The following COL22A1 variants were observed in gnomAD, a reference collection of about 807,000 sequenced individuals.
COL22A1 encodes the protein collagen type XXII alpha 1 chain.
A neutral mutation model predicts 248.9 loss-of-function variants in COL22A1; 221 were observed. The observed-to-expected ratio is 0.89, with a 90% CI of 0.80 to 0.99. The LOEUF is 0.99. Ranked by LOEUF, COL22A1 falls within the 50% of genes least tolerant of loss-of-function variation. The pLI, the probability that COL22A1 is intolerant of heterozygous loss-of-function variation, is 0.00. For synonymous variants in COL22A1, 891 were observed against 793.4 expected (o/e 1.12, Z -2.07); for missense variants, 2,240 against 2,179.0 (o/e 1.03, Z -0.56).
rs114085239 is a variant in COL22A1, at chr8:138,779,411, C to T, written c.1704+98G>A. 1,683 of 765,352 alleles carry T rather than the reference C, an allele frequency of 2.2e-3. 18 individuals carry two copies. In the African/African-American group the frequency reaches 0.026, roughly 12 times the overall value. 47.4% of individuals were successfully genotyped at this position (765,352 alleles called of 1,614,324 possible). ...GTTATATGAGAAGAGGGGCAGGGAA[C>T]CTATCTGAGCATCTCTTCTGCACCT... On this transcript the variant is annotated intron_variant, in intron 14 of 64. Transcript: ENST00000303045.
chr8:138,593,589 C>T (rs766678864), intron 63 of COL22A1, among the ~76,000 whole-genome samples: 2 of 152,166 alleles, frequency 1.3e-5, no homozygotes, highest in South Asian at 2.1e-4. Context: ...TTGGCTGGAG[C>T]TCTGATGTCC....
intron 15 of COL22A1, among the ~76,000 whole-genome samples, chr8:138,776,778 T>A (rs558088428): frequency 7.9e-5 from 12 of 152,330 alleles, no homozygotes; most frequent in Admixed American, 3.3e-4. Context: ...CCCCAGAGTC[T>A]AGAACAGAGC....
intron 30 of COL22A1, among the ~76,000 whole-genome samples, chr8:138,711,867 C>T (rs749599996): frequency 3.9e-5 from 6 of 152,166 alleles, no homozygotes; most frequent in Admixed American, 6.5e-5. Context: ...GCAGGCCTAG[C>T]GTGTGGCATT....
intron 52 of COL22A1, among the ~76,000 whole-genome samples, chr8:138,620,880 G>A (rs1819726506): frequency 6.6e-6 from 1 of 151,918 alleles, no homozygotes; most frequent in Admixed American, 6.6e-5. Context: ...AACTCAAAAG[G>A]CTGTCTATAT....
intron 23 of COL22A1, among the ~76,000 whole-genome samples, chr8:138,731,285 G>A (rs1030793850): frequency 3.9e-5 from 6 of 152,052 alleles, no homozygotes; most frequent in Non-Finnish European, 7.4e-5. Flanking sequence ...TGGGCAACAA[G>A]AGCAAAACTC....
chr8:138,636,938 C>T, intron 47 of COL22A1, 143 bp from the exon 48 acceptor site: 1 of 712,882 alleles, frequency 1.4e-6, no homozygotes, highest in Non-Finnish European at 2.5e-6. Context: ...GGCACGGTGG[C>T]AGCAGATAGA....
At chr8:138,618,118 C>T (rs1397883534) in intron 53 of COL22A1, among the ~76,000 whole-genome samples, 1 of 152,160 alleles carries the variant, frequency 6.6e-6, no homozygotes, top group Non-Finnish European at 1.5e-5. Flanking sequence ...ACATGTCCTA[C>T]CTTCTCCTTT....
intron 16 of COL22A1, among the ~76,000 whole-genome samples, chr8:138,762,807 G>A (rs1833599384): frequency 6.6e-6 from 1 of 152,210 alleles, no homozygotes; most frequent in Admixed American, 6.5e-5. Flanking sequence ...GGTCTGTAAT[G>A]CAGTTCATAA....
intron 30 of COL22A1, among the ~76,000 whole-genome samples, chr8:138,710,604 T>TATATATAG (rs775486726): frequency 5.9e-4 from 36 of 61,056 alleles, no homozygotes; most frequent in Admixed American, 1.3e-3. Context: ...TCTATCTATC[T>TATATATAG]ATCTATATAT....
Position 138,655,960 on chromosome 8 carries a change from G to C in COL22A1, c.3286-16C>G, listed in dbSNP as rs376042911. ...AAGAGAGGCCCTGTCAAAATAAAAA[G>C]AAACAAACACATACGTACATGCATA... On this transcript the variant is annotated splice_polypyrimidine_tract_variant and intron_variant, in intron 44 of 64. Transcript: ENST00000303045. 13 of 1,602,872 alleles carry C rather than the reference G, an allele frequency of 8.1e-6. No homozygotes were observed. Among genetic ancestry groups the C allele is most frequent in the Non-Finnish European group, 1.1e-5 (13 of 1,170,906 alleles).
chr8:138,766,469 CAGAGAGAG>C (rs1315051072), intron 16 of COL22A1, among the ~76,000 whole-genome samples: 1 of 34,674 alleles, frequency 2.9e-5, no homozygotes, highest in East Asian at 7.1e-3. Context: ...CAGATGGAGA[CAGAGAGAG>C]ACAGAGACAG....
intron 57 of COL22A1, 27 bp from the exon 58 acceptor site, chr8:138,606,479 T>C (rs951907840): frequency 2.5e-6 from 4 of 1,608,212 alleles, no homozygotes; most frequent in Non-Finnish European, 2.5e-6. Context: ...GAGAATTAAT[T>C]CCTCAAGGTC....
intron 1 of COL22A1, among the ~76,000 whole-genome samples, chr8:138,884,029 T>C (rs1006107387): frequency 1.3e-5 from 2 of 152,142 alleles, no homozygotes; most frequent in Non-Finnish European, 2.9e-5. Flanking sequence ...ATGAACTTTC[T>C]AGCCATTTCC....
chr8:138,700,846 G>A (rs1356722896), intron 31 of COL22A1, among the ~76,000 whole-genome samples: 3 of 152,058 alleles, frequency 2.0e-5, no homozygotes, highest in African/African-American at 4.8e-5. Context: ...TTAGCTAGGC[G>A]TGATGCCGGG....
rs192700849 is a variant in COL22A1 at position 138,872,769 on chromosome 8, G to A, written c.658+4981C>T. On this transcript the variant is annotated intron_variant, in intron 3 of 64. Coordinates refer to ENST00000303045, the MANE Select transcript of COL22A1 (RefSeq NM_152888.3). The stretch of plus-strand genomic sequence containing the variant: ...CTTCCCTGAATGTGTCCAAAGCCAA[G>A]GAAACACATAGCCACCAGCATCACG... Among the ~76,000 whole-genome samples the A allele has an allele frequency of 3.5e-3, 538 of 152,328 alleles. 2 individuals are homozygous for A. Among genetic ancestry groups the A allele is most frequent in the African/African-American group, 0.013 (522 of 41,568 alleles).
At chr8:138,765,278 C>T (rs568224067) in intron 16 of COL22A1, among the ~76,000 whole-genome samples, 10 of 152,164 alleles carry the variant, frequency 6.6e-5, no homozygotes, top group African/African-American at 9.6e-5. Flanking sequence ...GGAGGGACTG[C>T]GGGGCCTGGG....
intron 30 of COL22A1, among the ~76,000 whole-genome samples, chr8:138,714,402 T>C (rs907797893): frequency 6.6e-6 from 1 of 152,096 alleles, no homozygotes; most frequent in African/African-American, 2.4e-5. Flanking sequence ...AGTGGTCTAG[T>C]AGGAGATGGA....
At chr8:138,594,745 C>T (rs945517895) in intron 62 of COL22A1, among the ~76,000 whole-genome samples, 2 of 152,158 alleles carry the variant, frequency 1.3e-5, no homozygotes, top group African/African-American at 4.8e-5. Flanking sequence ...GTAGCATGGA[C>T]AGCAGTAGCA....
chr8:138,807,642 T>A, intron 10 of COL22A1, 126 bp downstream of exon 10: 1 of 868,342 alleles, frequency 1.2e-6, no homozygotes, highest in African/African-American at 1.7e-5. Flanking sequence ...TCCATCTAAT[T>A]TAACAAGCTC....
Sources: allele counts gnomAD v4.1 joint callset (sites outside exome capture counted in the v4.1 genomes callset), GRCh38; gene constraint gnomAD v4.1.1; transcripts MANE v1.5; gene names NCBI Gene and HGNC (gene_info 2026-07-23, HGNC 2026-07-21).